The following MED12L variants were observed in gnomAD, a reference collection of about 807,000 sequenced individuals.
MED12L encodes mediator of RNA polymerase II transcription subunit 12-like protein.
In MED12L, 60 loss-of-function variants were observed where a neutral mutation model predicts 281.3. The observed-to-expected ratio is 0.21, with a 90% CI of 0.17 to 0.26. MED12L has a LOEUF of 0.26. MED12L is among the 10% of genes least tolerant of loss of function. The pLI, the probability that MED12L is intolerant of heterozygous loss-of-function variation, is 1.00. For missense variants in MED12L, 2,146 were observed against 2,680.9 expected, an observed-to-expected ratio of 0.80 and a Z score of 4.41; for synonymous variants, 974 against 987.2, an observed-to-expected ratio of 0.99 and a Z score of 0.25.
At chr3:151,348,909 T>C (rs182965439) in intron 16 of MED12L, among the ~76,000 whole-genome samples, 77 of 152,368 alleles carry the variant, frequency 5.1e-4, no homozygotes, top group Admixed American at 4.2e-3. Context: ...TCTTTGTTGC[T>C]GCCACTGCTA....
chr3:151,136,946 G>A (rs1472050602), intron 5 of MED12L, among the ~76,000 whole-genome samples: 3 of 151,856 alleles, frequency 2.0e-5, no homozygotes, highest in African/African-American at 7.3e-5. Flanking sequence ...GGTGGATCAC[G>A]AGGTCAGGAG....
intron 42 of MED12L, 78 bp from the exon 43 acceptor site, chr3:151,416,234 G>C: frequency 6.2e-7 from 1 of 1,610,214 alleles, no homozygotes; most frequent in African/African-American, 1.3e-5. Flanking sequence ...TTAGATAAAA[G>C]GTATATGGGG....
At position 151,365,101 on chromosome 3, in the gene MED12L, A is replaced by G. The variant is rs760016755; in HGVS notation, c.3080A>G (p.Asn1027Ser). The change falls in exon 22 of 45, where the codon AAC (asparagine) becomes AGC (serine). Residue 1027 changes from asparagine to serine, a missense_variant. By Grantham distance (46) the Asn-to-Ser change is conservative. Transcript: ENST00000687756. ...GAGAATCCCTCAGCCCGCAGCATCA[A>G]CTACTCAATGCTGGGCAAGATCCTC... ...FIENPSARSI[N>S]YSMLGKILSD... is the part of the protein sequence containing the mutation. 27 of 1,613,990 alleles carry G rather than the reference A, an allele frequency of 1.7e-5. No homozygotes were observed. Among genetic ancestry groups the G allele is most frequent in the South Asian group, 2.2e-5 (2 of 91,090 alleles).
chr3:151,348,628 G>T (rs1476972266), intron 16 of MED12L, among the ~76,000 whole-genome samples: 1 of 151,642 alleles, frequency 6.6e-6, no homozygotes, highest in Non-Finnish European at 1.5e-5. Context: ...GAATCATTTG[G>T]GGGTGGGGAA....
intron 16 of MED12L, among the ~76,000 whole-genome samples, chr3:151,223,679 A>ACT (rs1404839188): frequency 6.6e-6 from 1 of 152,106 alleles, no homozygotes; most frequent in Non-Finnish European, 1.5e-5. Context: ...GACACTGGAG[A>ACT]CTCCAAAGAC....
At chr3:151,406,182 A>G (rs964812497) in intron 39 of MED12L, among the ~76,000 whole-genome samples, 14 of 152,200 alleles carry the variant, frequency 9.2e-5, no homozygotes, top group African/African-American at 2.9e-4. Context: ...AATGTGGCCA[A>G]ACCCATGCCT....
At chr3:151,200,637 A>G (rs773615230) in intron 16 of MED12L, among the ~76,000 whole-genome samples, 13 of 152,232 alleles carry the variant, frequency 8.5e-5, no homozygotes, top group Non-Finnish European at 1.3e-4. Context: ...CAGATGAATA[A>G]GGCAGATGTA....
At chr3:151,268,482 C>A (rs749357053) in intron 16 of MED12L, among the ~76,000 whole-genome samples, 36 of 152,146 alleles carry the variant, frequency 2.4e-4, no homozygotes, top group Non-Finnish European at 4.6e-4. Context: ...CAAGGCATGT[C>A]CTAGGCAGAA....
chr3:151,154,204 G>A (rs971999488), intron 5 of MED12L, among the ~76,000 whole-genome samples: 1 of 152,116 alleles, frequency 6.6e-6, no homozygotes, highest in African/African-American at 2.4e-5. Context: ...TTATGTCCCA[G>A]AGCCCTGTAG....
At chr3:151,101,199 C>A (rs948326845) in intron 2 of MED12L, among the ~76,000 whole-genome samples, 3 of 152,130 alleles carry the variant, frequency 2.0e-5, no homozygotes, top group African/African-American at 7.2e-5. Context: ...ATGACTAATT[C>A]ATTAGTTTTA....
chr3:151,355,085 A>G (rs1284400991), intron 17 of MED12L, 36 bp from the exon 18 acceptor site: 3 of 1,505,282 alleles, frequency 2.0e-6, no homozygotes, highest in Admixed American at 1.8e-5. Context: ...GCTTCTATTA[A>G]ATGGAAAATA....
intron 10 of MED12L, 21 bp downstream of exon 10, chr3:151,165,540 A>T (rs1255020911): frequency 6.3e-7 from 1 of 1,580,184 alleles, no homozygotes; most frequent in Admixed American, 1.7e-5. Context: ...CCACAGAGGA[A>T]CGAGTGCTTT....
intron 16 of MED12L, among the ~76,000 whole-genome samples, chr3:151,299,667 C>A (rs959416229): frequency 3.3e-5 from 5 of 151,722 alleles, no homozygotes; most frequent in Non-Finnish European, 7.4e-5. Flanking sequence ...TAGGTATGAT[C>A]ATTTTCCAAA....
rs1322783660 is a variant in MED12L at position 151,365,083 on chromosome 3, C to T, written c.3062C>T (p.Pro1021Leu). 1 of 1,613,846 alleles carries T rather than the reference C, an allele frequency of 6.2e-7. No homozygotes were observed. Among genetic ancestry groups the T allele is most frequent in the African/African-American group, 1.3e-5 (1 of 74,876 alleles). Residue 1021 changes from proline (P) to leucine (L), a missense_variant, in exon 22 of 45, where the codon CCC (proline) becomes CTC (leucine). This residue lies in a region of MED12L where 404 missense variants were observed against 603.5 expected (regional missense o/e 0.67). Transcript: ENST00000687756. ...TTCATGATGGATTTTATTGAGAATC[C>T]CTCAGCCCGCAGCATCAACTACTCA... ...PDFMMDFIENPSARSINYSML... is the reference protein window; with the variant it reads ...PDFMMDFIENLSARSINYSML...
At chr3:151,246,852 A>G (rs1333880971) in intron 16 of MED12L, among the ~76,000 whole-genome samples, 3 of 152,206 alleles carry the variant, frequency 2.0e-5, no homozygotes, top group Non-Finnish European at 4.4e-5. Context: ...AATGGGAGAA[A>G]CTTTTCGCAA....
At chr3:151,173,299 A>G (rs1295543541) in intron 11 of MED12L, among the ~76,000 whole-genome samples, 1 of 152,226 alleles carries the variant, frequency 6.6e-6, no homozygotes, top group Non-Finnish European at 1.5e-5. Context: ...GGAAGAAAGG[A>G]ATTGGAATCC....
At chr3:151,211,574 G>C (rs753519762) in intron 16 of MED12L, among the ~76,000 whole-genome samples, 4 of 152,098 alleles carry the variant, frequency 2.6e-5, no homozygotes, top group Non-Finnish European at 5.9e-5. Flanking sequence ...AACCTGTCCA[G>C]CTTTTCCCCA....
chr3:151,193,310 C>T (rs1459070458), intron 15 of MED12L, among the ~76,000 whole-genome samples, 180 bp from the exon 16 acceptor site: 2 of 152,136 alleles, frequency 1.3e-5, no homozygotes, highest in Admixed American at 6.5e-5. Context: ...CTCACAGATT[C>T]GTACTGATCT....
chr3:151,314,527 C>T (rs1268833194), intron 16 of MED12L, among the ~76,000 whole-genome samples: 1 of 152,158 alleles, frequency 6.6e-6, no homozygotes, highest in Non-Finnish European at 1.5e-5. Context: ...TGTATTAATA[C>T]TTGTATTAAT....
Sources: gnomAD v4.1 joint callset for allele counts (sites outside exome capture counted in the v4.1 genomes callset) on GRCh38, gnomAD v4.1.1 for gene constraint, gnomAD v4.1.1 regional missense constraint, MANE v1.5 for transcripts, NCBI Gene and HGNC (gene_info 2026-07-23, HGNC 2026-07-21) for gene names.